PTPRR: variants seen among roughly 807,000 people sequenced by gnomAD.
PTPRR encodes the protein receptor-type tyrosine-protein phosphatase R.
Under a neutral mutation model 77.2 loss-of-function variants are expected in PTPRR, and 38 were observed. The ratio of observed to expected loss-of-function variants is 0.49; its 90% confidence interval spans 0.38 to 0.65. The LOEUF (loss-of-function observed/expected upper bound fraction) is 0.65. Among genes scored for constraint, PTPRR ranks in the 30% least tolerant of loss-of-function variants. The probability of loss-of-function intolerance (pLI) is 0.00; values close to 1 mark genes in which losing one functional copy is unlikely to be tolerated. For missense variants in PTPRR, 744 were observed against 799.2 expected, an observed-to-expected ratio of 0.93 and a Z score of 0.83; for synonymous variants, 299 against 283.1, an observed-to-expected ratio of 1.06 and a Z score of -0.57.
At chr12:70,733,718 C>T (rs1889768034) in intron 6 of PTPRR, among the ~76,000 whole-genome samples, 2 of 151,932 alleles carry the variant, frequency 1.3e-5, no homozygotes, top group Admixed American at 1.3e-4. Flanking sequence ...ATAAGATTTC[C>T]AGAAAAAGAT....
At chr12:70,834,297 C>A (rs766045150) in intron 2 of PTPRR, among the ~76,000 whole-genome samples, 1 of 152,200 alleles carries the variant, frequency 6.6e-6, no homozygotes, top group Admixed American at 6.5e-5. Context: ...TGGTGACAAG[C>A]TTGTATATCT....
intron 2 of PTPRR, among the ~76,000 whole-genome samples, chr12:70,886,568 A>C (rs570965934): frequency 3.2e-4 from 49 of 152,350 alleles, no homozygotes; most frequent in African/African-American, 1.1e-3. Context: ...GCAATCATCA[A>C]TATTCATTGA....
At position 70,798,430 on chromosome 12, in the gene PTPRR, A is replaced by G. The variant is rs373096171; in HGVS notation, c.358-33652T>C. Among the ~76,000 whole-genome samples, 7 of 152,168 alleles carry G rather than the reference A, an allele frequency of 4.6e-5. No individual in the cohort carries two copies. In the South Asian group the frequency reaches 6.2e-4, roughly 14 times the overall value. On this transcript the variant is annotated intron_variant, in intron 2 of 13. Transcript: ENST00000283228. ...TAAAAATATACACGAGATCAAATCTATTTTATCTATTCAGTGCAGAAACTC... is the reference window on the plus strand; with the variant it reads ...TAAAAATATACACGAGATCAAATCTGTTTTATCTATTCAGTGCAGAAACTC...
chr12:70,665,664 G>C (rs1463883272), intron 10 of PTPRR, among the ~76,000 whole-genome samples: 1 of 151,674 alleles, frequency 6.6e-6, no homozygotes, highest in East Asian at 1.9e-4. Flanking sequence ...TTATAGGCGT[G>C]AGCCACTGCG....
chr12:70,732,841 G>A (rs1348536375), intron 6 of PTPRR, among the ~76,000 whole-genome samples: 2 of 152,162 alleles, frequency 1.3e-5, no homozygotes, highest in Non-Finnish European at 1.5e-5. Context: ...TTACAGGCAT[G>A]AGCCACTATG....
chr12:70,869,153 G>A (rs1401838622), intron 2 of PTPRR, among the ~76,000 whole-genome samples: 1 of 151,748 alleles, frequency 6.6e-6, no homozygotes, highest in African/African-American at 2.4e-5. Context: ...CCTGCACATT[G>A]TGCACTTGTA....
intron 2 of PTPRR, among the ~76,000 whole-genome samples, chr12:70,783,436 C>T (rs1195547761): frequency 1.3e-5 from 2 of 152,092 alleles, no homozygotes; most frequent in African/African-American, 4.8e-5. Flanking sequence ...GGTAGCTCCT[C>T]TCTGTAGCTG....
At chr12:70,774,316 C>T (rs957851636) in intron 2 of PTPRR, among the ~76,000 whole-genome samples, 1 of 152,162 alleles carries the variant, frequency 6.6e-6, no homozygotes, top group South Asian at 2.1e-4. Context: ...GGGTTGTGTA[C>T]ACACTGCAGA....
chr12:70,816,834 T>A (rs957878184), intron 2 of PTPRR, among the ~76,000 whole-genome samples: 1 of 152,170 alleles, frequency 6.6e-6, no homozygotes, highest in African/African-American at 2.4e-5. Flanking sequence ...TAAGTTACAA[T>A]GTTTGATTTT....
At chr12:70,879,578 G>A (rs578011788) in intron 2 of PTPRR, among the ~76,000 whole-genome samples, 107 of 152,126 alleles carry the variant, frequency 7.0e-4, no homozygotes, top group Non-Finnish European at 1.1e-3. Flanking sequence ...ATTAAGATTG[G>A]ACTGATGTTG....
In PTPRR at chr12:70,847,492, A is replaced by G. The variant is rs866092868; in HGVS notation, c.357+45187T>C. 3.3e-5 allele frequency among the ~76,000 whole-genome samples: 5 copies of G among 152,210 alleles called. 1 individual carries two copies. In the Middle Eastern group the frequency reaches 0.01, roughly 311 times the overall value. On this transcript the variant is annotated intron_variant, in intron 2 of 13. Coordinates refer to ENST00000283228, the MANE Select transcript of PTPRR (RefSeq NM_002849.4). Reference sequence around the variant, plus strand: ...AGGAAACTTGGAAATTTACATCTCAAAATATGAGGTTTTGGGGCTGTGGAT... The same window carrying G: ...AGGAAACTTGGAAATTTACATCTCAGAATATGAGGTTTTGGGGCTGTGGAT...
intron 2 of PTPRR, among the ~76,000 whole-genome samples, chr12:70,838,496 G>C (rs76983441): frequency 0.029 from 4,376 of 152,236 alleles, 101 homozygotes; most frequent in Non-Finnish European, 0.045. Context: ...TTGCATCACA[G>C]GTCATTGATT....
chr12:70,779,030 T>G (rs1891147585), intron 2 of PTPRR, among the ~76,000 whole-genome samples: 1 of 152,186 alleles, frequency 6.6e-6, no homozygotes, highest in African/African-American at 2.4e-5. Flanking sequence ...GTATTTTTAG[T>G]AGAGACAGGG....
At chr12:70,861,305 T>C (rs1037761294) in intron 2 of PTPRR, among the ~76,000 whole-genome samples, 1 of 152,146 alleles carries the variant, frequency 6.6e-6, no homozygotes, top group African/African-American at 2.4e-5. Flanking sequence ...TCTGTTAATG[T>C]AATGGTTAAA....
rs1358187096 is a variant in PTPRR, at chr12:70,684,721, T to C, written c.1342A>G (p.Asn448Asp). ...NVTDSLSTYINANYIRGYSGK... is the reference protein window; with the variant it reads ...NVTDSLSTYIDANYIRGYSGK... The stretch of plus-strand genomic sequence containing the variant: ...TTACTTACCCTAATATAATTAGCAT[T>C]AATGTAGGTGCTCAATGAATCGGTT... The change falls in exon 9 of 14, where the codon AAT becomes GAT. Residue 448 changes from asparagine to aspartate, a missense_variant. Around this residue, in one of 3 missense-constraint regions of PTPRR, gnomAD observed 570 missense variants for 573.2 expected, o/e 0.99. Coordinates refer to ENST00000283228, the MANE Select transcript of PTPRR (RefSeq NM_002849.4). 1 of 1,599,370 alleles carries C rather than the reference T, an allele frequency of 6.3e-7. No individual in the cohort carries two copies. The highest frequency in any genetic ancestry group is 1.3e-5 in the African/African-American group (1 of 74,592).
chr12:70,817,075 AAATG>A (rs1163390706), intron 2 of PTPRR, among the ~76,000 whole-genome samples: 1 of 152,188 alleles, frequency 6.6e-6, no homozygotes, highest in African/African-American at 2.4e-5. Flanking sequence ...ATGGGTGAAC[AAATG>A]AATGAATACT....
At chr12:70,818,844 G>A (rs1891954591) in intron 2 of PTPRR, among the ~76,000 whole-genome samples, 2 of 151,810 alleles carry the variant, frequency 1.3e-5, no homozygotes, top group Non-Finnish European at 2.9e-5. Flanking sequence ...AAAAATCATG[G>A]TAAGCCAAAG....
intron 12 of PTPRR, among the ~76,000 whole-genome samples, chr12:70,660,369 C>A (rs556738042): frequency 2.6e-5 from 4 of 152,134 alleles, no homozygotes; most frequent in African/African-American, 9.6e-5. Context: ...GTTGGCTTGG[C>A]CTCTAGTGCT....
chr12:70,702,167 T>C (rs1888451419), intron 6 of PTPRR, among the ~76,000 whole-genome samples: 1 of 152,014 alleles, frequency 6.6e-6, no homozygotes, highest in Non-Finnish European at 1.5e-5. Context: ...ATAATTCCCC[T>C]TTTCCCGCTG....
Sources: gnomAD v4.1 joint callset for allele counts (sites outside exome capture counted in the v4.1 genomes callset) on GRCh38, gnomAD v4.1.1 for gene constraint, gnomAD v4.1.1 regional missense constraint, MANE v1.5 for transcripts, NCBI Gene and HGNC (gene_info 2026-07-23, HGNC 2026-07-21) for gene names.